ADAMTS12: variants seen among roughly 807,000 people sequenced by gnomAD.
ADAMTS12 encodes A disintegrin and metalloproteinase with thrombospondin motifs 12.
A neutral mutation model predicts 167.8 loss-of-function variants in ADAMTS12; 118 were observed. The ratio of observed to expected loss-of-function variants is 0.70; its 90% CI spans 0.61 to 0.82. ADAMTS12 has a LOEUF of 0.82. ADAMTS12 is among the 40% of genes least tolerant of loss of function. The pLI is 0.00. For synonymous variants in ADAMTS12, 704 were observed against 716.9 expected, an observed-to-expected ratio of 0.98 and a Z score of 0.29; for missense variants, 1,916 against 1,998.8, an observed-to-expected ratio of 0.96 and a Z score of 0.79.
rs147482904 is a variant in ADAMTS12 at position 33,636,848 on chromosome 5, A to G, written c.1888+729T>C. On this transcript the variant is annotated intron_variant, in intron 12 of 23. Coordinates refer to ENST00000504830, the MANE Select transcript of ADAMTS12 (RefSeq NM_030955.4). Reference sequence around the variant, plus strand: ...AGCTAACGGTCATTGATTCTTCTTCATTTTAAGGAGAGAATGTGTCTGGAC... The same window carrying G: ...AGCTAACGGTCATTGATTCTTCTTCGTTTTAAGGAGAGAATGTGTCTGGAC... Among the ~76,000 whole-genome samples the G allele has an allele frequency of 3.4e-3, 524 of 152,228 alleles. 7 individuals are homozygous for G. Among genetic ancestry groups the G allele is most frequent in the African/African-American group, 0.012 (502 of 41,546 alleles).
chr5:33,650,632 C>G (rs1275862529), intron 7 of ADAMTS12, among the ~76,000 whole-genome samples: 3 of 152,214 alleles, frequency 2.0e-5, no homozygotes. Context: ...CCTTCCATTG[C>G]CAGGGCTGAC....
chr5:33,850,028 T>C (rs1007291632), intron 2 of ADAMTS12, among the ~76,000 whole-genome samples: 1 of 152,154 alleles, frequency 6.6e-6, no homozygotes, highest in Admixed American at 6.5e-5. Flanking sequence ...TGTGAACTTA[T>C]TACCTGCTAA....
intron 16 of ADAMTS12, among the ~76,000 whole-genome samples, chr5:33,611,749 C>T (rs1376576893): frequency 6.6e-6 from 1 of 152,070 alleles, no homozygotes; most frequent in Non-Finnish European, 1.5e-5. Flanking sequence ...AAATTAAATG[C>T]ATCCTTAAAA....
intron 3 of ADAMTS12, among the ~76,000 whole-genome samples, chr5:33,685,447 C>T (rs914031617): frequency 2.0e-5 from 3 of 152,194 alleles, no homozygotes; most frequent in African/African-American, 7.2e-5. Context: ...CCATATCCTG[C>T]CCTCTCCCTT....
Position 33,842,567 on chromosome 5 carries a change from G to A in ADAMTS12, c.489+38552C>T, listed in dbSNP as rs552894624. On this transcript the variant is annotated intron_variant, in intron 2 of 23. Transcript: ENST00000504830. ...ACTTTTAAACAGAGCTTTTCATGCT[G>A]AAATTAGCACAAAGCTTACTTAATA... Among the ~76,000 whole-genome samples the A allele has an allele frequency of 2.0e-5, 3 of 152,328 alleles. No homozygotes were observed. In the East Asian group the frequency reaches 5.8e-4, roughly 29 times the overall value.
chr5:33,568,416 G>C (rs11742406), intron 19 of ADAMTS12, among the ~76,000 whole-genome samples: 49,598 of 152,034 alleles, frequency 0.33, 9,135 homozygotes, highest in Non-Finnish European at 0.41. Context: ...CATGACCAAT[G>C]ATGTTGATTA....
chr5:33,787,940 A>T (rs1261837125), intron 2 of ADAMTS12, among the ~76,000 whole-genome samples: 1 of 152,224 alleles, frequency 6.6e-6, no homozygotes, highest in African/African-American at 2.4e-5. Flanking sequence ...ATAATTGAAG[A>T]CAAACATACC....
At chr5:33,645,197 C>G (rs578014603) in intron 9 of ADAMTS12, among the ~76,000 whole-genome samples, 1 of 150,534 alleles carries the variant, frequency 6.6e-6, no homozygotes, top group Non-Finnish European at 1.5e-5. Context: ...CGTGAAGGCA[C>G]TCAAGCTATA....
At position 33,876,289 on chromosome 5, in the gene ADAMTS12, AT is replaced by A. The variant is rs1222795258; in HGVS notation, c.489+4829del. ...CCAGCAAGATTTTGTAGACAAGATT[AT>A]TGTAAAATTTATATGGAAGGACAGA... On this transcript the variant is annotated intron_variant, in intron 2 of 23. Transcript: ENST00000504830. Among the ~76,000 whole-genome samples, 5 of 152,208 alleles carry A rather than the reference AT, an allele frequency of 3.3e-5. No individual in the cohort carries two copies. The South Asian group carries it at 6.2e-4, about 19-fold the overall frequency.
At chr5:33,648,731 T>A in intron 9 of ADAMTS12, 91 bp downstream of exon 9, 1 of 1,433,102 alleles carries the variant, frequency 7.0e-7, no homozygotes, top group Admixed American at 2.1e-5. Flanking sequence ...TGTGTCTGGA[T>A]GTTCAGTTAT....
chr5:33,557,216 A>C (rs1745525025), intron 20 of ADAMTS12, among the ~76,000 whole-genome samples: 1 of 152,180 alleles, frequency 6.6e-6, no homozygotes, highest in Non-Finnish European at 1.5e-5. Context: ...TGAGAATTAA[A>C]GTGTTTCTGG....
At chr5:33,767,022 T>C (rs892207480) in intron 2 of ADAMTS12, among the ~76,000 whole-genome samples, 4 of 152,310 alleles carry the variant, frequency 2.6e-5, no homozygotes, top group Middle Eastern at 3.4e-3. Context: ...TTGATAATGA[T>C]GAATACTAGG....
chr5:33,549,980 C>T (rs1745174329), intron 20 of ADAMTS12, among the ~76,000 whole-genome samples: 1 of 152,190 alleles, frequency 6.6e-6, no homozygotes, highest in Non-Finnish European at 1.5e-5. Context: ...TGTGAGCAAA[C>T]ACTGTCCTTG....
chr5:33,620,502 AAGAGGAGGTGGCT>A (rs1224414831), intron 14 of ADAMTS12, among the ~76,000 whole-genome samples: 3 of 152,266 alleles, frequency 2.0e-5, no homozygotes, highest in Admixed American at 2.0e-4. Flanking sequence ...CCACAATAGC[AAGAGGAGGTGGCT>A]ATGAAATTAT....
intron 22 of ADAMTS12, among the ~76,000 whole-genome samples, chr5:33,541,178 C>T (rs1342729643): frequency 2.6e-5 from 4 of 152,112 alleles, no homozygotes; most frequent in African/African-American, 7.2e-5. Flanking sequence ...ATCAGAACTT[C>T]GTGACGCATG....
chr5:33,785,622 T>A (rs1021497229), intron 2 of ADAMTS12, among the ~76,000 whole-genome samples: 1 of 152,158 alleles, frequency 6.6e-6, no homozygotes, highest in Admixed American at 6.5e-5. Context: ...TATATACTAC[T>A]ACAAACCCAT....
At chr5:33,823,158 C>T (rs533501770) in intron 2 of ADAMTS12, among the ~76,000 whole-genome samples, 2 of 152,024 alleles carry the variant, frequency 1.3e-5, no homozygotes, top group African/African-American at 4.8e-5. Context: ...CTTTGGACTG[C>T]CCATAATATT....
chr5:33,773,237 A>C (rs1745808469), intron 2 of ADAMTS12, among the ~76,000 whole-genome samples: 1 of 152,136 alleles, frequency 6.6e-6, no homozygotes, highest in African/African-American at 2.4e-5. Context: ...GACACTCCTC[A>C]ATATCAGTCT....
At chr5:33,888,670 CAGGAGCAAAAG>C (rs1750731533) in intron 1 of ADAMTS12, among the ~76,000 whole-genome samples, 1 of 152,148 alleles carries the variant, frequency 6.6e-6, no homozygotes, top group Admixed American at 6.5e-5. Context: ...ACAGAGATGT[CAGGAGCAAAAG>C]AGGTCATGGA....
Sources: allele counts gnomAD v4.1 joint callset (sites outside exome capture counted in the v4.1 genomes callset), GRCh38; gene constraint gnomAD v4.1.1; transcripts MANE v1.5; gene names NCBI Gene and HGNC (gene_info 2026-07-23, HGNC 2026-07-21).